DOCK10: variants seen among roughly 807,000 people sequenced by gnomAD.
DOCK10 encodes the protein dedicator of cytokinesis protein 10.
DOCK10 carries 145 observed loss-of-function variants against 280.1 expected under a neutral mutation model. That is an observed-to-expected ratio of 0.52 (90% CI 0.45 to 0.59). The LOEUF is 0.59. DOCK10 is among the 20% of genes least tolerant of loss of function. The pLI, the probability that DOCK10 is intolerant of heterozygous loss-of-function variation, is 0.00. For synonymous variants in DOCK10, 915 were observed against 942.2 expected (o/e 0.97, Z 0.53); for missense variants, 2,368 against 2,651.7 (o/e 0.89, Z 2.35).
intron 1 of DOCK10, among the ~76,000 whole-genome samples, chr2:224,983,050 T>G (rs1306126540): frequency 1.3e-5 from 2 of 152,316 alleles, no homozygotes; most frequent in East Asian, 3.9e-4. Context: ...CACATGCAGT[T>G]CTGCAGCCTA....
chr2:224,815,470 T>C (rs991325176), intron 30 of DOCK10, among the ~76,000 whole-genome samples: 4 of 151,840 alleles, frequency 2.6e-5, no homozygotes, highest in African/African-American at 9.7e-5. Context: ...CAGTAATTTA[T>C]AAAACAAAAA....
intron 1 of DOCK10, among the ~76,000 whole-genome samples, chr2:224,994,086 T>G (rs1375002673): frequency 6.6e-6 from 1 of 152,206 alleles, no homozygotes; most frequent in African/African-American, 2.4e-5. Context: ...GGTGACATAT[T>G]ATATCGCTTT....
chr2:224,829,553 A>G (rs1427694318), intron 27 of DOCK10, among the ~76,000 whole-genome samples: 1 of 152,220 alleles, frequency 6.6e-6, no homozygotes, highest in Non-Finnish European at 1.5e-5. Flanking sequence ...GGCCTTACCC[A>G]CAATGGGGGC....
At chr2:225,035,571 T>TATATATG (rs1690225598) in intron 1 of DOCK10, among the ~76,000 whole-genome samples, 1 of 43,852 alleles carries the variant, frequency 2.3e-5, no homozygotes, top group Non-Finnish European at 5.8e-5. Flanking sequence ...TATATATATA[T>TATATATG]ATATATATAT....
intron 1 of DOCK10, among the ~76,000 whole-genome samples, chr2:225,017,019 G>A (rs1458341951): frequency 7.3e-5 from 11 of 151,500 alleles, no homozygotes; most frequent in South Asian, 2.1e-4. Context: ...CACTGCGCCC[G>A]GCCGCCTCTT....
At chr2:224,880,708 T>C (rs756018655) in intron 7 of DOCK10, among the ~76,000 whole-genome samples, 7 of 152,192 alleles carry the variant, frequency 4.6e-5, no homozygotes, top group Admixed American at 1.3e-4. Context: ...TCCACAATGT[T>C]CATCTGAAAA....
chr2:224,874,470 C>A, intron 9 of DOCK10, 121 bp from the exon 10 acceptor site: 2 of 913,212 alleles, frequency 2.2e-6, no homozygotes, highest in Non-Finnish European at 3.3e-6. Flanking sequence ...CCCATTAACA[C>A]TTGGCAAATC....
At chr2:224,971,050 G>A (rs955124808) in intron 1 of DOCK10, among the ~76,000 whole-genome samples, 2 of 152,226 alleles carry the variant, frequency 1.3e-5, no homozygotes, top group African/African-American at 4.8e-5. Context: ...AGAAGCTACA[G>A]ATAAGTCAAT....
At chr2:224,827,761 T>A (rs935991161) in intron 27 of DOCK10, among the ~76,000 whole-genome samples, 1 of 152,020 alleles carries the variant, frequency 6.6e-6, no homozygotes, top group Non-Finnish European at 1.5e-5. Context: ...TCTCCAGAAG[T>A]GGAGAGCAGA....
intron 31 of DOCK10, among the ~76,000 whole-genome samples, chr2:224,812,655 C>T (rs1355390516): frequency 5.3e-5 from 8 of 152,132 alleles, no homozygotes; most frequent in East Asian, 1.9e-4. Flanking sequence ...TTTTGAGATA[C>T]GTCCCATCAA....
At chr2:224,852,042 G>T (rs1019414961) in intron 18 of DOCK10, among the ~76,000 whole-genome samples, 1 of 152,146 alleles carries the variant, frequency 6.6e-6, no homozygotes, top group African/African-American at 2.4e-5. Flanking sequence ...GGGCCGGCTG[G>T]GGTGTTCTGT....
In DOCK10 at chr2:224,864,737, T is replaced by C. The variant is rs980531769; in HGVS notation, c.1480-62A>G. The C allele has an allele frequency of 3.8e-6, 6 of 1,576,812 alleles. No homozygotes were observed. The African/African-American group carries it at 6.9e-5, about 18-fold the overall frequency. On this transcript the variant is annotated intron_variant, in intron 12 of 55. Transcript: ENST00000258390. ...AACCACATTGTAGACATTTACAAAA[T>C]TCCATTTTTTTAAAAAAGGACAGCT...
intron 4 of DOCK10, among the ~76,000 whole-genome samples, chr2:224,894,646 T>G (rs952460989): frequency 6.6e-6 from 1 of 152,216 alleles, no homozygotes; most frequent in Non-Finnish European, 1.5e-5. Flanking sequence ...AACATGAAGT[T>G]GCAAGAGCTT....
chr2:224,878,217 C>A (rs1230762971), intron 7 of DOCK10, among the ~76,000 whole-genome samples: 1 of 152,174 alleles, frequency 6.6e-6, no homozygotes, highest in Non-Finnish European at 1.5e-5. Context: ...ATCACAACAA[C>A]AAGATTACTA....
intron 3 of DOCK10, among the ~76,000 whole-genome samples, chr2:224,911,654 A>G (rs1350312788): frequency 6.6e-6 from 1 of 152,176 alleles, no homozygotes; most frequent in African/African-American, 2.4e-5. Context: ...GCTGGCAGCC[A>G]AATCCAAGGC....
intron 19 of DOCK10, 65 bp downstream of exon 19, chr2:224,849,442 G>A (rs769547834): frequency 5.7e-5 from 68 of 1,190,908 alleles, no homozygotes; most frequent in Admixed American, 4.8e-4. Context: ...TTCACTGCAC[G>A]GTTATCTGAA....
chr2:224,957,530 C>T (rs867223097), intron 1 of DOCK10, among the ~76,000 whole-genome samples: 3 of 152,068 alleles, frequency 2.0e-5, no homozygotes, highest in African/African-American at 7.2e-5. Context: ...TTCAAGAGAT[C>T]CTCTCACCTC....
chr2:224,900,589 T>C (rs1296951686), intron 3 of DOCK10, among the ~76,000 whole-genome samples: 1 of 152,248 alleles, frequency 6.6e-6, no homozygotes. Flanking sequence ...GTAATATTTC[T>C]GTTTCTGTTT....
rs372600406 is a variant in DOCK10, at chr2:224,814,324, T to C, written c.3405A>G (p.Ala1135=). ...TPSESTQELH[A]SDMPEYSVTN... ...AGGTAAGGTAATATCACTTACCTGA[T>C]GCATGTAACTCTTGAGTCGATTCTG... Residue 1135 remains alanine, a synonymous_variant, in exon 31 of 56, where the codon GCA becomes GCG. Coordinates refer to ENST00000258390, the MANE Select transcript of DOCK10 (RefSeq NM_014689.3). 4.0e-5 allele frequency: 62 copies of C among 1,531,014 alleles called. No individual in the cohort carries two copies. In the East Asian group the frequency reaches 6.5e-4, roughly 16 times the overall value. The allele number at this position is 1,531,014 out of a possible 1,614,324, so 94.8% of individuals were successfully genotyped here.
Sources: gnomAD v4.1 joint callset for allele counts (sites outside exome capture counted in the v4.1 genomes callset) on GRCh38, gnomAD v4.1.1 for gene constraint, MANE v1.5 for transcripts, NCBI Gene and HGNC (gene_info 2026-07-23, HGNC 2026-07-21) for gene names.